AK8: variants seen among roughly 807,000 people sequenced by gnomAD.
AK8 encodes the protein adenylate kinase 8, also known as ATP-AMP transphosphorylase 8.
In AK8, 44 loss-of-function variants were observed where a neutral mutation model predicts 54.6. That is an observed-to-expected ratio of 0.81 (90% CI 0.63 to 1.04). The LOEUF (loss-of-function observed/expected upper bound fraction) is 1.04. Among genes scored for constraint, AK8 ranks in the 50% least tolerant of loss-of-function variants. The pLI is 0.00. For synonymous variants in AK8, 239 were observed against 245.6 expected (o/e 0.97, Z 0.25); for missense variants, 555 against 613.6 (o/e 0.90, Z 1.01).
intron 11 of AK8, among the ~76,000 whole-genome samples, chr9:132,757,128 C>T (rs567767926): frequency 3.9e-5 from 6 of 151,984 alleles, no homozygotes; most frequent in Admixed American, 1.3e-4. Flanking sequence ...CAGATGACAA[C>T]GGAATGCGTG....
At chr9:132,846,820 C>T (rs919463215) in intron 5 of AK8, among the ~76,000 whole-genome samples, 5 of 152,260 alleles carry the variant, frequency 3.3e-5, no homozygotes, top group African/African-American at 9.6e-5. Flanking sequence ...AGCCCTGCCG[C>T]TTCCCCCGGT....
intron 11 of AK8, among the ~76,000 whole-genome samples, chr9:132,731,496 A>G (rs777601238): frequency 4.6e-5 from 7 of 152,102 alleles, no homozygotes; most frequent in Non-Finnish European, 7.4e-5. Flanking sequence ...AGGGTTCTGG[A>G]GAGAACCAAT....
intron 11 of AK8, among the ~76,000 whole-genome samples, chr9:132,743,295 T>A (rs1474352345): frequency 6.6e-6 from 1 of 152,246 alleles, no homozygotes; most frequent in Admixed American, 6.5e-5. Flanking sequence ...GGTGTGCAGA[T>A]CCAGGATCCC....
chr9:132,872,724 C>G (rs772706622), intron 2 of AK8, among the ~76,000 whole-genome samples: 44 of 152,300 alleles, frequency 2.9e-4, no homozygotes, highest in African/African-American at 1.0e-3. Context: ...ACCTCCACCC[C>G]CTGGGTTCAA....
chr9:132,850,548 C>T (rs1442278302), intron 5 of AK8, among the ~76,000 whole-genome samples: 4 of 152,170 alleles, frequency 2.6e-5, no homozygotes, highest in Admixed American at 1.3e-4. Flanking sequence ...CAGGCACCCA[C>T]CACCATGCCC....
At chr9:132,789,156 G>A (rs549726611) in intron 11 of AK8, among the ~76,000 whole-genome samples, 4 of 152,096 alleles carry the variant, frequency 2.6e-5, no homozygotes, top group East Asian at 1.9e-4. Context: ...TTAGCCAGGC[G>A]TGGTGGCAGG....
Position 132,842,805 on chromosome 9 carries a change from A to G in AK8, c.402+12052T>C, listed in dbSNP as rs577967959. On this transcript the variant is annotated intron_variant, in intron 5 of 12. Transcript: ENST00000298545. The stretch of plus-strand genomic sequence containing the variant: ...TTCCCAGCTCATCTGGATTGTTGAC[A>G]GAATCCATTTCCTTGCTGCCACATG... 5.3e-5 allele frequency among the ~76,000 whole-genome samples: 8 copies of G among 152,338 alleles called. 1 individual carries two copies. The South Asian group carries it at 1.7e-3, about 32-fold the overall frequency.
Position 132,850,897 on chromosome 9 carries a change from T to TAA in AK8, c.402+3958_402+3959dup, listed in dbSNP as rs34133877. ...AAGAGAGAGAATCTGTAGGTGCATT[T>TAA]AAAAAAAAAAAAAAAAAAGACACAA... On this transcript the variant is annotated intron_variant, in intron 5 of 12. Transcript: ENST00000298545. Among the ~76,000 whole-genome samples, 609 of 135,322 alleles carry TAA rather than the reference T, an allele frequency of 4.5e-3. 3 individuals carry two copies. Among genetic ancestry groups the TAA allele is most frequent in the Middle Eastern group, 0.015 (4 of 262 alleles). 88.8% of individuals were successfully genotyped at this position (135,322 alleles called of 152,430 possible).
Position 132,831,595 on chromosome 9 carries a change from C to T in AK8, c.403-2869G>A, listed in dbSNP as rs558719366. ...ACTGGGAGTCAACGCTGGGAGCCCCCGCTTGCTGTAGAGCCCTCCCTCTCA... is the reference window on the plus strand; with the variant it reads ...ACTGGGAGTCAACGCTGGGAGCCCCTGCTTGCTGTAGAGCCCTCCCTCTCA... On this transcript the variant is annotated intron_variant, in intron 5 of 12. Coordinates refer to ENST00000298545, the MANE Select transcript of AK8 (RefSeq NM_152572.3). 7.2e-5 allele frequency among the ~76,000 whole-genome samples: 11 copies of T among 152,302 alleles called. No individual in the cohort carries two copies. The South Asian group carries it at 1.5e-3, about 20-fold the overall frequency.
intron 11 of AK8, among the ~76,000 whole-genome samples, chr9:132,747,073 T>G (rs1837686015): frequency 6.6e-6 from 1 of 152,224 alleles, no homozygotes; most frequent in Non-Finnish European, 1.5e-5. Context: ...TAGCCAAGTA[T>G]CTTGGTTCAG....
chr9:132,741,769 T>C (rs1837404615), intron 11 of AK8, among the ~76,000 whole-genome samples: 1 of 152,138 alleles, frequency 6.6e-6, no homozygotes. Context: ...TTTTCATCAC[T>C]CCAAAAGGCA....
intron 5 of AK8, among the ~76,000 whole-genome samples, chr9:132,831,696 G>T (rs960610303): frequency 6.6e-6 from 1 of 152,144 alleles, no homozygotes; most frequent in Non-Finnish European, 1.5e-5. Context: ...GGTCACTCAC[G>T]TCCATATCAC....
intron 11 of AK8, among the ~76,000 whole-genome samples, chr9:132,752,732 C>T (rs533285602): frequency 3.7e-4 from 56 of 150,490 alleles, no homozygotes; most frequent in African/African-American, 1.3e-3. Context: ...CCACCCACCC[C>T]ACCTGCAGAA....
chr9:132,732,582 C>T lies in AK8; in HGVS notation c.1122-5048G>A, dbSNP rs532176327. On this transcript the variant is annotated intron_variant, in intron 11 of 12. Transcript: ENST00000298545. Reference sequence around the variant, plus strand: ...TATGAGAAGCCACCCCAGGGCTTGCCGGAGAGAAATGAGCCTCATTTCTGA... The same window carrying T: ...TATGAGAAGCCACCCCAGGGCTTGCTGGAGAGAAATGAGCCTCATTTCTGA... Among the ~76,000 whole-genome samples the T allele has an allele frequency of 4.9e-4, 75 of 152,066 alleles. 1 individual carries two copies. The highest frequency in any genetic ancestry group is 1.7e-3 in the African/African-American group (71 of 41,468).
At chr9:132,816,749 C>A (rs760690618) in intron 9 of AK8, among the ~76,000 whole-genome samples, 1 of 152,178 alleles carries the variant, frequency 6.6e-6, no homozygotes, top group Non-Finnish European at 1.5e-5. Flanking sequence ...AGGAAACATA[C>A]AAAACGAGCC....
At chr9:132,774,152 G>A (rs555359865) in intron 11 of AK8, among the ~76,000 whole-genome samples, 5 of 152,170 alleles carry the variant, frequency 3.3e-5, no homozygotes, top group African/African-American at 7.2e-5. Flanking sequence ...TAGAATCCAC[G>A]CTCCTGAGAC....
chr9:132,800,970 G>A (rs1377984135), intron 10 of AK8, among the ~76,000 whole-genome samples: 6 of 150,318 alleles, frequency 4.0e-5, no homozygotes, highest in Non-Finnish European at 1.5e-5. Flanking sequence ...TGTCGCCCAG[G>A]CTGGAGTGCA....
rs1242638009 is a variant in AK8 at position 132,790,047 on chromosome 9, A to C, written c.1121+2587T>G. On this transcript the variant is annotated intron_variant, in intron 11 of 12. Transcript: ENST00000298545. This position sits in a 1 kb window ranked among gnomAD's most constrained non-coding sequence, Gnocchi z 4.1. Reference sequence around the variant, plus strand: ...GGGGGCAAAGGTCCTAAGGGTCAAAATTCTATCTGCCACAAGCAGTAGAAT... The same window carrying C: ...GGGGGCAAAGGTCCTAAGGGTCAAACTTCTATCTGCCACAAGCAGTAGAAT... 6.6e-6 allele frequency among the ~76,000 whole-genome samples: 1 copy of C among 152,242 alleles called. No homozygotes were observed. The highest frequency in any genetic ancestry group is 1.5e-5 in the Non-Finnish European group (1 of 68,048).
chr9:132,873,721 C>T (rs1040802109), intron 2 of AK8, among the ~76,000 whole-genome samples: 2 of 142,010 alleles, frequency 1.4e-5, no homozygotes, highest in South Asian at 2.3e-4. Context: ...AGCACCCACT[C>T]GGCCTCAGGG....
Sources: gnomAD v4.1 joint callset for allele counts (sites outside exome capture counted in the v4.1 genomes callset) on GRCh38, gnomAD v4.1.1 for gene constraint, Gnocchi (gnomAD v3.1) non-coding constraint, MANE v1.5 for transcripts, NCBI Gene and HGNC (gene_info 2026-07-23, HGNC 2026-07-21) for gene names.